PIDD1: variants seen among roughly 807,000 people sequenced by gnomAD.
PIDD1 encodes p53-induced death domain protein 1.
PIDD1 carries 72 observed loss-of-function variants against 80.0 expected under a neutral mutation model. That is an observed-to-expected ratio of 0.90 (90% CI 0.74 to 1.09). PIDD1 has a LOEUF of 1.09. Among genes scored for constraint, PIDD1 ranks in the 50% least tolerant of loss-of-function variants. The pLI is 0.00. For missense variants in PIDD1, 1,329 were observed against 1,228.3 expected (o/e 1.08, Z -1.23); for synonymous variants, 655 against 543.5 (o/e 1.21, Z -2.85).
intron 2 of PIDD1, chr11:803,819 C>T (rs1336913678): frequency 3.2e-6 from 2 of 633,524 alleles, no homozygotes; most frequent in African/African-American, 1.8e-5. Context: ...CACAACCTTC[C>T]CCAGGAACAA....
In PIDD1 at chr11:804,408, G is replaced by T. The variant is rs373063233; in HGVS notation, c.-20C>A. ...AGCCATCGCCCACCGACGGTCCTTGGAGGCCAGACATGTCCCAGCACGCAG... is the reference window on the plus strand; with the variant it reads ...AGCCATCGCCCACCGACGGTCCTTGTAGGCCAGACATGTCCCAGCACGCAG... On this transcript the variant is annotated 5_prime_UTR_variant, in exon 2 of 16. Transcript: ENST00000347755. 3 of 1,569,946 alleles carry T rather than the reference G, an allele frequency of 1.9e-6. No homozygotes were observed. The African/African-American group carries it at 4.0e-5, about 21-fold the overall frequency.
At chr11:806,569 G>A (rs532289983), upstream of PIDD1, among the ~76,000 whole-genome samples, 2 of 151,566 alleles carry the variant, frequency 1.3e-5, no homozygotes, top group East Asian at 3.9e-4. Flanking sequence ...TTCCATGTAG[G>A]GCCTGGAGGG....
chr11:802,760 C>T lies in PIDD1; in HGVS notation c.841G>A (p.Glu281Lys), dbSNP rs771935491. 1.2e-6 allele frequency: 2 copies of T among 1,610,446 alleles called. No homozygotes were observed. The highest frequency in any genetic ancestry group is 1.1e-5 in the South Asian group (1 of 90,538). Residue 281 changes from glutamate (E) to lysine (K), a missense_variant, in exon 4 of 16, where the codon GAG becomes AAG. Physicochemically the swap from Glu to Lys is moderately conservative, Grantham distance 56. Coordinates refer to ENST00000347755, the MANE Select transcript of PIDD1 (RefSeq NM_145886.4). ...RDNQLRDLPPELLDAPFVRLQ... is the reference protein window; with the variant it reads ...RDNQLRDLPPKLLDAPFVRLQ... Reference sequence around the variant, plus strand: ...CGCACAAAGGGGGCGTCTAGCAGCTCAGGGGGCAGGTCCCGGAGCTGGTTG... The same window carrying T: ...CGCACAAAGGGGGCGTCTAGCAGCTTAGGGGGCAGGTCCCGGAGCTGGTTG...
chr11:801,151 C>T, intron 9 of PIDD1, 31 bp from the exon 10 acceptor site: 1 of 1,547,310 alleles, frequency 6.5e-7, no homozygotes, highest in Non-Finnish European at 8.7e-7. Context: ...GAGCTGAGGC[C>T]TCCTGGCCGG....
chr11:808,244 T>A (rs1159057035), upstream of PIDD1, among the ~76,000 whole-genome samples: 1 of 149,782 alleles, frequency 6.7e-6, no homozygotes, highest in East Asian at 2.0e-4. Context: ...CTGGCCAACA[T>A]GGTGAAACCC....
At position 800,465 on chromosome 11, in the gene PIDD1, G is replaced by C. The variant is rs769755667; in HGVS notation, c.2042-14C>G. 1 of 1,610,836 alleles carries C rather than the reference G, an allele frequency of 6.2e-7. No individual in the cohort carries two copies. The highest frequency in any genetic ancestry group is 8.5e-7 in the Non-Finnish European group (1 of 1,178,962). On this transcript the variant is annotated splice_polypyrimidine_tract_variant and intron_variant, in intron 12 of 15. Coordinates refer to ENST00000347755, the MANE Select transcript of PIDD1 (RefSeq NM_145886.4). ...AGTCAGGGCGGTCTAGGGGACAGGG[G>C]TGGGCTGAGCAAGGAGGGCTCGGGG...
At chr11:803,139 TG>T in intron 3 of PIDD1, 34 bp downstream of exon 3, 1 of 1,461,644 alleles carries the variant, frequency 6.8e-7, no homozygotes. Flanking sequence ...GACCCTCCCG[TG>T]GGGCCAGTGT....
In PIDD1 at chr11:799,339, C is replaced by T; in HGVS notation, c.2701G>A (p.Ala901Thr). ...PKDPALPGSS[A>T]PQPPEPAQA ...TGGGCAGGCTCTGGGGGCTGTGGAG[C>T]CGAGGAGCCAGGCAGAGCGGGGTCC... Residue 901 changes from alanine (A) to threonine (T), a missense_variant, in exon 16 of 16, where the codon GCT becomes ACT. Transcript: ENST00000347755. 3.1e-6 allele frequency: 5 copies of T among 1,608,200 alleles called. No homozygotes were observed. The highest frequency in any genetic ancestry group is 1.3e-5 in the African/African-American group (1 of 75,050).
At chr11:802,636 G>A (rs1436666594) in intron 4 of PIDD1, 39 bp from the exon 5 acceptor site, 4 of 1,606,340 alleles carry the variant, frequency 2.5e-6, no homozygotes, top group East Asian at 2.2e-5. Flanking sequence ...ACAGTGAGGA[G>A]ACTCATGTCC....
At position 804,434 on chromosome 11, in the gene PIDD1, G is replaced by A; in HGVS notation, c.-46C>T. 3 of 1,539,214 alleles carry A rather than the reference G, an allele frequency of 1.9e-6. No individual in the cohort carries two copies. Among genetic ancestry groups the A allele is most frequent in the Middle Eastern group, 1.9e-4 (1 of 5,336 alleles). On this transcript the variant is annotated 5_prime_UTR_variant, in exon 2 of 16. Coordinates refer to ENST00000347755, the MANE Select transcript of PIDD1 (RefSeq NM_145886.4). ...AGGCCAGACATGTCCCAGCACGCAGGCAGGCCTGTCCAGGCAGCGCCCGGG... is the reference window on the plus strand; with the variant it reads ...AGGCCAGACATGTCCCAGCACGCAGACAGGCCTGTCCAGGCAGCGCCCGGG...
At position 802,216 on chromosome 11, in the gene PIDD1, G is replaced by C. The variant is rs1412303492; in HGVS notation, c.1155C>G (p.Pro385=). The change falls in exon 6 of 16, where the codon CCC becomes CCG. Residue 385 remains proline (P), a synonymous_variant. Transcript: ENST00000347755. Reference sequence around the variant, plus strand: ...ATGCCTGCTGGAAGGCCACCCCATGGGGCTGCAGCTCCAGCACATGGCTGA... The same window carrying C: ...ATGCCTGCTGGAAGGCCACCCCATGCGGCTGCAGCTCCAGCACATGGCTGA... ...ALLSHVLELQ[P]HGVAFQQDVG... 2 of 1,608,910 alleles carry C rather than the reference G, an allele frequency of 1.2e-6. No homozygotes were observed. Among genetic ancestry groups the C allele is most frequent in the Admixed American group, 3.4e-5 (2 of 59,240 alleles).
At position 802,878 on chromosome 11, in the gene PIDD1, G is replaced by A; in HGVS notation, c.723C>T (p.Ser241=). 2 of 1,570,012 alleles carry A rather than the reference G, an allele frequency of 1.3e-6. No homozygotes were observed. Among genetic ancestry groups the A allele is most frequent in the Non-Finnish European group, 1.7e-6 (2 of 1,158,424 alleles). ...SLPASLAGLR[S]LRLLVLHSNL... Reference sequence around the variant, plus strand: ...TGCTGTGCAGGACAAGGAGCCGCAAGGACCGAAGTCCCGCTGCGGGCAGTT... The same window carrying A: ...TGCTGTGCAGGACAAGGAGCCGCAAAGACCGAAGTCCCGCTGCGGGCAGTT... Residue 241 remains serine (S), a synonymous_variant, in exon 4 of 16, where the codon TCC becomes TCT. Coordinates refer to ENST00000347755, the MANE Select transcript of PIDD1 (RefSeq NM_145886.4).
rs1865456026 is a variant in PIDD1 at position 802,612 on chromosome 11, G to C, written c.920-15C>G. 1.2e-6 allele frequency: 2 copies of C among 1,612,246 alleles called. No individual in the cohort carries two copies. Among genetic ancestry groups the C allele is most frequent in the South Asian group, 1.1e-5 (1 of 90,750 alleles). The stretch of plus-strand genomic sequence containing the variant: ...GAGGGCTGCCACTGTGCAGGGGACA[G>C]ACATGTGCTCAGGACAGTGAGGAGA... On this transcript the variant is annotated splice_polypyrimidine_tract_variant and intron_variant, in intron 4 of 15. Coordinates refer to ENST00000347755, the MANE Select transcript of PIDD1 (RefSeq NM_145886.4).
Position 804,343 on chromosome 11 carries a change from C to T in PIDD1, c.46G>A (p.Ala16Thr), listed in dbSNP as rs139088059. 129 of 1,609,284 alleles carry T rather than the reference C, an allele frequency of 8.0e-5. 1 individual carries two copies. The Admixed American group carries it at 1.8e-3, about 22-fold the overall frequency. ...TCCGAATCCTCTGAAGCATCTCCTG[C>T]GGCAGCAGCTGCCTCCAGCTCTGGC... The part of the protein sequence containing the change: ...EGPELEAAAA[A>T]GDASEDSDAG... Residue 16 changes from alanine to threonine, a missense_variant, in exon 2 of 16, where the codon GCA (alanine) becomes ACA (threonine). Coordinates refer to ENST00000347755, the MANE Select transcript of PIDD1 (RefSeq NM_145886.4).
intron 11 of PIDD1, 35 bp downstream of exon 11, chr11:800,727 T>C (rs1007139320): frequency 6.5e-7 from 1 of 1,546,212 alleles, no homozygotes; most frequent in African/African-American, 1.4e-5. Context: ...AGCCCTCTGG[T>C]CACCACCCTG....
At chr11:808,422 AG>A (rs1236993470), upstream of PIDD1, among the ~76,000 whole-genome samples, 2 of 149,146 alleles carry the variant, frequency 1.3e-5, no homozygotes, top group African/African-American at 4.9e-5. Context: ...GGGACTCCTC[AG>A]AAAAAAAGAA....
chr11:808,197 T>A (rs1474638929), upstream of PIDD1, among the ~76,000 whole-genome samples: 1 of 151,004 alleles, frequency 6.6e-6, no homozygotes, highest in Non-Finnish European at 1.5e-5. Flanking sequence ...GAGGCGGAAG[T>A]GGGAAGATCA....
At chr11:808,404 G>C (rs766825970), upstream of PIDD1, among the ~76,000 whole-genome samples, 6 of 151,482 alleles carry the variant, frequency 4.0e-5, no homozygotes, top group South Asian at 1.3e-3. Context: ...TCCAACCTGG[G>C]GAACAGTGGG....
In PIDD1 at chr11:803,318, C is replaced by A; in HGVS notation, c.565G>T (p.Ala189Ser). 2 of 1,613,942 alleles carry A rather than the reference C, an allele frequency of 1.2e-6. No individual in the cohort carries two copies. Among genetic ancestry groups the A allele is most frequent in the Non-Finnish European group, 1.7e-6 (2 of 1,179,984 alleles). The change falls in exon 3 of 16, where the codon GCA becomes TCA. Residue 189 changes from alanine (A) to serine (S), a missense_variant. Physicochemically the swap from Ala to Ser is moderately conservative, Grantham distance 99 (BLOSUM62 1). Coordinates refer to ENST00000347755, the MANE Select transcript of PIDD1 (RefSeq NM_145886.4). Reference protein sequence around the residue: ...THNRLQTLPPALGALSTLQRL... With the variant: ...THNRLQTLPPSLGALSTLQRL... ...TGCAGGGTGGATAGGGCCCCCAGTG[C>A]TGGGGGCAGCGTCTGCAGGCGGTTG...
Sources: gnomAD v4.1 joint callset for allele counts (sites outside exome capture counted in the v4.1 genomes callset) on GRCh38, gnomAD v4.1.1 for gene constraint, MANE v1.5 for transcripts, NCBI Gene and HGNC (gene_info 2026-07-23, HGNC 2026-07-21) for gene names.